Variants in TYW1B observed in about 807,000 individuals in gnomAD.
The protein encoded by TYW1B is S-adenosyl-L-methionine-dependent tRNA 4-demethylwyosine synthase TYW1B.
A neutral mutation model predicts 86.9 loss-of-function variants in TYW1B; 73 were observed. That is an observed-to-expected ratio of 0.84 (90% CI 0.70 to 1.02). TYW1B has a LOEUF of 1.02. TYW1B is among the 50% of genes least tolerant of loss of function. TYW1B has a pLI of 0.00. For missense variants in TYW1B, 637 were observed against 827.4 expected (o/e 0.77, Z 2.82); for synonymous variants, 248 against 292.8 (o/e 0.85, Z 1.56).
intron 8 of TYW1B, among the ~76,000 whole-genome samples, chr7:72,741,359 G>T (rs563665671): frequency 7.2e-5 from 11 of 152,162 alleles, no homozygotes; most frequent in Non-Finnish European, 1.5e-4. Flanking sequence ...TTCAACAGAA[G>T]ATTTGAACAG....
intron 11 of TYW1B, among the ~76,000 whole-genome samples, chr7:72,689,025 G>T (rs546128629): frequency 1.2e-3 from 189 of 152,264 alleles, no homozygotes; most frequent in African/African-American, 4.3e-3. Context: ...AAGCTGAATG[G>T]AATCAGCCCT....
At chr7:72,649,557 C>A (rs2129569184) in intron 11 of TYW1B, among the ~76,000 whole-genome samples, 2 of 152,252 alleles carry the variant, frequency 1.3e-5, no homozygotes, top group East Asian at 1.9e-4. Flanking sequence ...TGGTAATGTT[C>A]CTGCACACAA....
intron 5 of TYW1B, among the ~76,000 whole-genome samples, chr7:72,802,766 G>A (rs1397185042): frequency 3.9e-5 from 6 of 151,970 alleles, no homozygotes; most frequent in African/African-American, 1.2e-4. Context: ...GATCACAGGC[G>A]CCTACCACCA....
intron 6 of TYW1B, among the ~76,000 whole-genome samples, chr7:72,779,157 A>G (rs189400102): frequency 8.9e-4 from 135 of 152,334 alleles, no homozygotes; most frequent in African/African-American, 3.0e-3. Flanking sequence ...TGTCTATTTT[A>G]AATGTCCAGC....
At chr7:72,756,888 T>C (rs1359107269) in intron 7 of TYW1B, among the ~76,000 whole-genome samples, 1 of 152,176 alleles carries the variant, frequency 6.6e-6, no homozygotes, top group African/African-American at 2.4e-5. Context: ...AGTGAAAAGA[T>C]GCTCAACATC....
intron 6 of TYW1B, among the ~76,000 whole-genome samples, chr7:72,785,376 A>G (rs1242010767): frequency 1.4e-5 from 2 of 147,758 alleles, no homozygotes; most frequent in African/African-American, 4.9e-5. Context: ...ATTAAATTAA[A>G]GTTATATTCT....
chr7:72,751,253 G>C (rs545402118), intron 7 of TYW1B, among the ~76,000 whole-genome samples: 1 of 152,062 alleles, frequency 6.6e-6, no homozygotes, highest in Non-Finnish European at 1.5e-5. Context: ...GGCCAGGCTC[G>C]TCTTGAACTC....
chr7:72,662,432 TAG>T lies in TYW1B; in HGVS notation c.1506+32253_1506+32254del, dbSNP rs1563050500. Among the ~76,000 whole-genome samples, 44 of 131,206 alleles carry T rather than the reference TAG, an allele frequency of 3.4e-4. No homozygotes were observed. The East Asian group carries it at 5.5e-3, about 16-fold the overall frequency. 86.1% of individuals were successfully genotyped at this position (131,206 alleles called of 152,430 possible). A position where few individuals can be genotyped will look rare whatever the true frequency, so the allele number is the denominator to read the frequency against. On this transcript the variant is annotated intron_variant, in intron 11 of 13. Transcript: ENST00000620995. ...CAGGTTTTTAATATATATATATAGA[TAG>T]ATAGATAGATAGATAGATAGATAGA... is the stretch of plus-strand genomic sequence containing the variant.
chr7:72,618,452 A>G (rs1812134096), intron 12 of TYW1B, among the ~76,000 whole-genome samples: 1 of 151,974 alleles, frequency 6.6e-6, no homozygotes, highest in Admixed American at 6.6e-5. Context: ...CCTGACCTCA[A>G]ATGATCTGCC....
chr7:72,813,923 G>A (rs1263576681), intron 3 of TYW1B, among the ~76,000 whole-genome samples: 5 of 151,648 alleles, frequency 3.3e-5, no homozygotes, highest in African/African-American at 1.2e-4. Context: ...GCTGAGGCAG[G>A]AGAATCACTT....
intron 11 of TYW1B, among the ~76,000 whole-genome samples, chr7:72,672,975 C>G (rs182367693): frequency 3.3e-5 from 5 of 152,290 alleles, no homozygotes; most frequent in Non-Finnish European, 7.4e-5. Context: ...TGGAGACCAG[C>G]CTGGTCAACA....
intron 7 of TYW1B, among the ~76,000 whole-genome samples, chr7:72,762,872 C>T (rs1179325783): frequency 6.6e-6 from 1 of 152,116 alleles, no homozygotes; most frequent in Non-Finnish European, 1.5e-5. Flanking sequence ...GTCGGCCAGG[C>T]TGGTCTTGAA....
At chr7:72,586,127 G>A (rs1259556977) in intron 13 of TYW1B, among the ~76,000 whole-genome samples, 1 of 152,172 alleles carries the variant, frequency 6.6e-6, no homozygotes, top group Non-Finnish European at 1.5e-5. Flanking sequence ...ACACATTAAC[G>A]CTAACCGAGG....
chr7:72,581,629 T>C (rs1206568901), intron 13 of TYW1B, among the ~76,000 whole-genome samples: 2 of 152,014 alleles, frequency 1.3e-5, no homozygotes, highest in Non-Finnish European at 2.9e-5. Flanking sequence ...CAGCTAATTT[T>C]TGTATTTTTT....
chr7:72,594,135 G>A (rs1355984843), intron 13 of TYW1B, among the ~76,000 whole-genome samples: 4 of 151,538 alleles, frequency 2.6e-5, no homozygotes, highest in African/African-American at 9.7e-5. Context: ...TGAACCAAAA[G>A]CTAGCAGAAG....
At chr7:72,628,499 G>A (rs143497278) in intron 12 of TYW1B, among the ~76,000 whole-genome samples, 5 of 152,232 alleles carry the variant, frequency 3.3e-5, no homozygotes, top group African/African-American at 1.2e-4. Flanking sequence ...GGGTGGATGG[G>A]AGTTCATTAG....
intron 11 of TYW1B, among the ~76,000 whole-genome samples, chr7:72,684,347 C>T (rs1554448903): frequency 6.6e-6 from 1 of 151,834 alleles, no homozygotes; most frequent in Non-Finnish European, 1.5e-5. Context: ...GGGAAAAAAG[C>T]CTTATCTATA....
At chr7:72,819,108 C>G (rs1342192127) in intron 2 of TYW1B, among the ~76,000 whole-genome samples, 1 of 151,936 alleles carries the variant, frequency 6.6e-6, no homozygotes, top group Admixed American at 6.6e-5. Context: ...TCCCAGGCGG[C>G]AGGAACAGTG....
chr7:72,725,686 T>C (rs1315994257), intron 9 of TYW1B, among the ~76,000 whole-genome samples: 5 of 152,130 alleles, frequency 3.3e-5, no homozygotes, highest in African/African-American at 2.4e-5. Context: ...TATAAAAAGA[T>C]TGACCTGTTC....
Sources: allele counts gnomAD v4.1 joint callset (sites outside exome capture counted in the v4.1 genomes callset), GRCh38; gene constraint gnomAD v4.1.1; transcripts MANE v1.5; gene names NCBI Gene and HGNC (gene_info 2026-07-23, HGNC 2026-07-21).